ADD2: variants seen among roughly 807,000 people sequenced by gnomAD.
ADD2 encodes adducin 2.
In ADD2, 23 loss-of-function variants were observed where a neutral mutation model predicts 83.0. The ratio of observed to expected loss-of-function variants is 0.28; its 90% confidence interval spans 0.20 to 0.39. The LOEUF (loss-of-function observed/expected upper bound fraction) is 0.39, where lower values mean the gene tolerates loss of function less well. Among genes scored for constraint, ADD2 ranks in the 10% least tolerant of loss-of-function variants. ADD2 has a pLI of 1.00. For synonymous variants in ADD2, 375 were observed against 375.4 expected (o/e 1.00, Z 0.01); for missense variants, 758 against 944.9 (o/e 0.80, Z 2.59).
chr2:70,681,547 C>T (rs564828023), intron 10 of ADD2, among the ~76,000 whole-genome samples: 3 of 152,264 alleles, frequency 2.0e-5, no homozygotes, highest in African/African-American at 7.2e-5. Flanking sequence ...TGGCCAGCCT[C>T]GCATCAGTTA....
At chr2:70,724,837 G>T (rs1460390212) in intron 1 of ADD2, among the ~76,000 whole-genome samples, 1 of 152,200 alleles carries the variant, frequency 6.6e-6, no homozygotes, top group Non-Finnish European at 1.5e-5. Flanking sequence ...ACAGTATTGG[G>T]TGTGGACAGG....
At chr2:70,729,420 C>G (rs376300413) in intron 1 of ADD2, among the ~76,000 whole-genome samples, 1 of 152,142 alleles carries the variant, frequency 6.6e-6, no homozygotes, top group African/African-American at 2.4e-5. Flanking sequence ...TAAATTCCCT[C>G]GGTTGGAACA....
chr2:70,713,031 A>AC, intron 2 of ADD2, 35 bp downstream of exon 2: 2 of 935,708 alleles, frequency 2.1e-6, no homozygotes, highest in Admixed American at 1.2e-4. Context: ...AGTGTGCATC[A>AC]CCCCCGTCAC....
rs115868876 is a variant in ADD2 at position 70,750,070 on chromosome 2, C to T, written c.-154+17816G>A. Among the ~76,000 whole-genome samples the T allele has an allele frequency of 6.6e-4, 100 of 151,766 alleles. 1 individual carries two copies. Among genetic ancestry groups the T allele is most frequent in the African/African-American group, 2.2e-3 (92 of 41,526 alleles). On this transcript the variant is annotated intron_variant, in intron 1 of 15. Transcript: ENST00000264436. ...TTCTGAGCCTTTCATATCGTAGGTGCCTGATGATGCTCTTGAGAGGGGGGC... is the reference window on the plus strand; with the variant it reads ...TTCTGAGCCTTTCATATCGTAGGTGTCTGATGATGCTCTTGAGAGGGGGGC...
At chr2:70,679,600 T>C (rs1392537369) in intron 10 of ADD2, among the ~76,000 whole-genome samples, 1 of 152,178 alleles carries the variant, frequency 6.6e-6, no homozygotes, top group Non-Finnish European at 1.5e-5. Context: ...GGAGCAATAT[T>C]CAGCTCTCTT....
intron 7 of ADD2, among the ~76,000 whole-genome samples, 174 bp from the exon 8 acceptor site, chr2:70,691,103 G>A (rs1368046283): frequency 2.0e-5 from 3 of 152,324 alleles, no homozygotes; most frequent in East Asian, 3.9e-4. Flanking sequence ...TGGCTTGGGC[G>A]TTGTGTCACG....
chr2:70,761,959 G>A (rs900985949), intron 1 of ADD2, among the ~76,000 whole-genome samples: 2 of 151,412 alleles, frequency 1.3e-5, no homozygotes, highest in East Asian at 3.9e-4. Context: ...GTGAGCCACC[G>A]CGCCTGGCCA....
At chr2:70,752,553 G>A (rs1167183350) in intron 1 of ADD2, among the ~76,000 whole-genome samples, 1 of 152,206 alleles carries the variant, frequency 6.6e-6, no homozygotes, top group Non-Finnish European at 1.5e-5. Context: ...TTGGAGGACT[G>A]AGCCAGCAGA....
chr2:70,720,763 G>A (rs1197648447), intron 1 of ADD2, among the ~76,000 whole-genome samples: 3 of 152,112 alleles, frequency 2.0e-5, no homozygotes, highest in South Asian at 2.1e-4. Flanking sequence ...CTTCCTGGGC[G>A]CCCATGTTTC....
At chr2:70,696,102 G>T in intron 5 of ADD2, 143 bp downstream of exon 5, 3 of 1,180,616 alleles carry the variant, frequency 2.5e-6, no homozygotes, top group Non-Finnish European at 3.5e-6. Context: ...GACCACAGTG[G>T]TTAAAAAACT....
chr2:70,707,454 TA>T (rs1312192903), intron 2 of ADD2, among the ~76,000 whole-genome samples: 1 of 152,252 alleles, frequency 6.6e-6, no homozygotes, highest in African/African-American at 2.4e-5. Context: ...GAATACTTTT[TA>T]AAATGTGTGA....
intron 1 of ADD2, among the ~76,000 whole-genome samples, chr2:70,716,702 C>T (rs1171749605): frequency 6.6e-6 from 1 of 152,104 alleles, no homozygotes; most frequent in Non-Finnish European, 1.5e-5. Context: ...CCCTGAGGTC[C>T]CAGCAGCAAG....
In ADD2 at chr2:70,706,308, A is replaced by T. The variant is rs1671892454; in HGVS notation, c.101T>A (p.Leu34His). The T allele has an allele frequency of 1.9e-6, 3 of 1,613,962 alleles. No homozygotes were observed. The highest frequency in any genetic ancestry group is 1.7e-6 in the Non-Finnish European group (2 of 1,180,008). The change falls in exon 3 of 16, where the codon CTT becomes CAT. Residue 34 changes from leucine (L) to histidine (H), a missense_variant. By Grantham distance (99) the Leu-to-His change is moderately conservative. Coordinates refer to ENST00000264436, the MANE Select transcript of ADD2 (RefSeq NM_001617.4). This position sits in a 1 kb window ranked among gnomAD's most constrained non-coding sequence, Gnocchi z 5.0. ...FSEDDPEYMRLRNRAADLRQD... is the reference protein window; with the variant it reads ...FSEDDPEYMRHRNRAADLRQD... ...CCGCAGGTCCGCCGCCCGGTTGCGA[A>T]GGCGCATGTACTCGGGGTCGTCCTC...
intron 1 of ADD2, among the ~76,000 whole-genome samples, chr2:70,743,782 T>C (rs1674043034): frequency 1.3e-5 from 2 of 152,248 alleles, no homozygotes; most frequent in Admixed American, 1.3e-4. Context: ...CTATAGCAGG[T>C]ACAAAGGTCC....
intron 10 of ADD2, 106 bp from the exon 11 acceptor site, chr2:70,679,067 T>G (rs1670328210): frequency 1.5e-6 from 2 of 1,337,346 alleles, no homozygotes; most frequent in Non-Finnish European, 2.0e-6. Flanking sequence ...GGACTCTTCA[T>G]GTAAACCCAA....
chr2:70,677,711 C>A, intron 12 of ADD2, 47 bp downstream of exon 12: 2 of 1,599,590 alleles, frequency 1.3e-6, no homozygotes, highest in Non-Finnish European at 1.7e-6. Flanking sequence ...GACCTGAGAC[C>A]CCCCAGTGTG....
At chr2:70,689,363 A>C (rs1229540885) in intron 8 of ADD2, among the ~76,000 whole-genome samples, 1 of 152,250 alleles carries the variant, frequency 6.6e-6, no homozygotes, top group Non-Finnish European at 1.5e-5. Context: ...ACACAGATCC[A>C]TGTGTCAGAT....
At chr2:70,730,742 A>C (rs1360918215) in intron 1 of ADD2, among the ~76,000 whole-genome samples, 1 of 152,246 alleles carries the variant, frequency 6.6e-6, no homozygotes, top group Non-Finnish European at 1.5e-5. Context: ...TGGTGGTCCC[A>C]TATGATTATA....
Position 70,767,905 on chromosome 2 carries a change from C to T in ADD2, c.-173G>A. 2.0e-6 allele frequency: 3 copies of T among 1,535,882 alleles called. No individual in the cohort carries two copies. The highest frequency in any genetic ancestry group is 2.6e-6 in the Non-Finnish European group (3 of 1,146,778). ...CCTTACCTCCTGCGCGGCATCTTAG[C>T]TATCTCCGGTCGGCCACTGCGGGTT... On this transcript the variant is annotated 5_prime_UTR_variant, in exon 1 of 16. Transcript: ENST00000264436.
Sources: gnomAD v4.1 joint callset for allele counts (sites outside exome capture counted in the v4.1 genomes callset) on GRCh38, gnomAD v4.1.1 for gene constraint, Gnocchi (gnomAD v3.1) non-coding constraint, MANE v1.5 for transcripts, NCBI Gene and HGNC (gene_info 2026-07-23, HGNC 2026-07-21) for gene names.